Variants in CCDC192 observed in about 807,000 individuals in gnomAD.
The protein encoded by CCDC192 is coiled-coil domain-containing protein 192.
chr5:127,772,544 C>T (rs1257695265), intron 3 of CCDC192, among the ~76,000 whole-genome samples: 1 of 151,502 alleles, frequency 6.6e-6, no homozygotes, highest in African/African-American at 2.4e-5. Flanking sequence ...TTGGTTGTGT[C>T]ATACTTGCAA....
chr5:127,858,029 A>G (rs1370693615), intron 5 of CCDC192, among the ~76,000 whole-genome samples: 1 of 152,222 alleles, frequency 6.6e-6, no homozygotes, highest in Non-Finnish European at 1.5e-5. Context: ...ATTTGCTTAT[A>G]TGTATAATGG....
intron 2 of CCDC192, among the ~76,000 whole-genome samples, chr5:127,750,083 T>G (rs918323870): frequency 6.6e-6 from 1 of 152,198 alleles, no homozygotes; most frequent in African/African-American, 2.4e-5. Context: ...TTCATTAATT[T>G]TTTGAAGAGT....
chr5:127,914,300 A>G (rs1056676188), intron 6 of CCDC192, among the ~76,000 whole-genome samples: 5 of 152,192 alleles, frequency 3.3e-5, no homozygotes, highest in Non-Finnish European at 7.4e-5. Flanking sequence ...CAGTATGTCT[A>G]TAATGTCTTA....
At position 127,855,259 on chromosome 5, in the gene CCDC192, A is replaced by G. The variant is rs555452341; in HGVS notation, c.412-20279A>G. ...AACCCTGCCACTGCTATATCATCTA[A>G]GTTTATGTAATATTCTAAATTCTAC... On this transcript the variant is annotated intron_variant, in intron 5 of 6. Coordinates refer to ENST00000514853, the MANE Select transcript of CCDC192 (RefSeq NM_001317938.2). Among the ~76,000 whole-genome samples, 18 of 152,346 alleles carry G rather than the reference A, an allele frequency of 1.2e-4. 1 individual carries two copies. The South Asian group carries it at 3.3e-3, about 28-fold the overall frequency.
At chr5:127,843,004 A>G (rs1316079145) in intron 5 of CCDC192, among the ~76,000 whole-genome samples, 2 of 133,802 alleles carry the variant, frequency 1.5e-5, no homozygotes, top group Non-Finnish European at 3.2e-5. Flanking sequence ...CATCACCTTA[A>G]TTTCCTGGGC....
chr5:127,706,485 C>T (rs1750967695), intron 1 of CCDC192, among the ~76,000 whole-genome samples: 2 of 135,900 alleles, frequency 1.5e-5, no homozygotes, highest in Admixed American at 8.4e-5. Context: ...GATTGTGCTA[C>T]TGCACTCCAG....
intron 6 of CCDC192, among the ~76,000 whole-genome samples, chr5:127,912,138 G>A (rs1196109813): frequency 6.7e-6 from 1 of 150,310 alleles, no homozygotes; most frequent in African/African-American, 2.5e-5. Context: ...CACCATATTG[G>A]CCAGGCTGGT....
At chr5:127,769,156 AG>A (rs1324821595) in intron 3 of CCDC192, among the ~76,000 whole-genome samples, 3 of 152,208 alleles carry the variant, frequency 2.0e-5, no homozygotes, top group African/African-American at 7.2e-5. Flanking sequence ...CAATAAGAAG[AG>A]ATAAATAGGA....
At chr5:127,792,615 A>G (rs1756935843) in intron 3 of CCDC192, among the ~76,000 whole-genome samples, 2 of 151,464 alleles carry the variant, frequency 1.3e-5, no homozygotes, top group African/African-American at 4.9e-5. Context: ...GTGAGATGGG[A>G]GGATGGCTCG....
At chr5:127,907,435 G>C (rs1283300805) in intron 6 of CCDC192, among the ~76,000 whole-genome samples, 3 of 151,882 alleles carry the variant, frequency 2.0e-5, no homozygotes, top group Non-Finnish European at 2.9e-5. Context: ...CAGTTATTGT[G>C]ATCCAATATT....
chr5:127,719,830 G>GGC (rs34096238), intron 2 of CCDC192, among the ~76,000 whole-genome samples: 42,673 of 94,196 alleles, frequency 0.45, 7,784 homozygotes, highest in Non-Finnish European at 0.54. Context: ...ATCAGAGGAA[G>GGC]GGGCGGGGGA....
At chr5:127,790,171 C>G (rs1040579126) in intron 3 of CCDC192, among the ~76,000 whole-genome samples, 5 of 152,150 alleles carry the variant, frequency 3.3e-5, no homozygotes, top group African/African-American at 7.2e-5. Context: ...TATTCTTGAG[C>G]ATTAAAGTCT....
intron 2 of CCDC192, among the ~76,000 whole-genome samples, chr5:127,719,834 C>G (rs35790389): frequency 0.75 from 103,054 of 137,612 alleles, 38,687 homozygotes; most frequent in Middle Eastern, 0.82. Flanking sequence ...GAGGAAGGGG[C>G]GGGGGAGGTG....
At chr5:127,803,869 C>T (rs993952075) in intron 5 of CCDC192, among the ~76,000 whole-genome samples, 1 of 152,192 alleles carries the variant, frequency 6.6e-6, no homozygotes, top group Non-Finnish European at 1.5e-5. Context: ...TGATACATTT[C>T]ATAATAAACT....
intron 3 of CCDC192, among the ~76,000 whole-genome samples, chr5:127,792,821 A>G (rs1041955329): frequency 6.7e-6 from 1 of 150,204 alleles, no homozygotes. Flanking sequence ...AGGAAGAAGA[A>G]GAAGAAGGAG....
chr5:127,925,324 A>G (rs1395174627), intron 6 of CCDC192, among the ~76,000 whole-genome samples: 2 of 132,956 alleles, frequency 1.5e-5, no homozygotes, highest in Admixed American at 8.1e-5. Flanking sequence ...TAACTTTTGA[A>G]TTATCTTTTG....
intron 5 of CCDC192, among the ~76,000 whole-genome samples, chr5:127,835,658 G>A (rs1750002833): frequency 6.6e-6 from 1 of 152,150 alleles, no homozygotes; most frequent in Non-Finnish European, 1.5e-5. Flanking sequence ...TGGTGGAAGG[G>A]GAAGCAAGCA....
intron 5 of CCDC192, among the ~76,000 whole-genome samples, chr5:127,856,249 A>G (rs1267983876): frequency 3.3e-5 from 5 of 152,236 alleles, no homozygotes; most frequent in Admixed American, 3.3e-4. Context: ...CATGTTATGG[A>G]GACAGCTTCA....
intron 5 of CCDC192, among the ~76,000 whole-genome samples, chr5:127,818,212 G>A (rs930805774): frequency 3.3e-5 from 5 of 152,096 alleles, no homozygotes; most frequent in South Asian, 2.1e-4. Context: ...CACTTGATAA[G>A]AGTCTAAAAT....
Sources: gnomAD v4.1 joint callset for allele counts (sites outside exome capture counted in the v4.1 genomes callset) on GRCh38, gnomAD v4.1.1 for gene constraint, MANE v1.5 for transcripts, NCBI Gene and HGNC (gene_info 2026-07-23, HGNC 2026-07-21) for gene names.